VPS13C: variants seen among roughly 807,000 people sequenced by gnomAD.
The protein encoded by VPS13C is vacuolar protein sorting 13 homolog C.
VPS13C carries 358 observed loss-of-function variants against 456.8 expected under a neutral mutation model. The observed-to-expected ratio is 0.78, with a 90% CI of 0.72 to 0.86. VPS13C has a LOEUF of 0.86. Among genes scored for constraint, VPS13C ranks in the 40% least tolerant of loss-of-function variants. The probability of loss-of-function intolerance (pLI) is 0.00; values close to 1 mark genes in which losing one functional copy is unlikely to be tolerated. For synonymous variants in VPS13C, 1,578 were observed against 1,486.7 expected (o/e 1.06, Z -1.41); for missense variants, 4,818 against 4,385.4 (o/e 1.10, Z -2.79).
intron 65 of VPS13C, 117 bp downstream of exon 65, chr15:61,908,875 T>C: frequency 1.7e-6 from 2 of 1,200,598 alleles, no homozygotes; most frequent in South Asian, 3.2e-5. Flanking sequence ...ATAAATACCA[T>C]GTGTTCCATA....
intron 6 of VPS13C, among the ~76,000 whole-genome samples, chr15:62,026,258 T>C (rs2047633818): frequency 6.6e-6 from 1 of 151,756 alleles, no homozygotes; most frequent in Non-Finnish European, 1.5e-5. Context: ...AATCAATTAG[T>C]CCTTCTTGCA....
chr15:61,911,322 ACT>A (rs2043295386), intron 63 of VPS13C, among the ~76,000 whole-genome samples: 1 of 152,216 alleles, frequency 6.6e-6, no homozygotes, highest in African/African-American at 2.4e-5. Context: ...CATGATTTCA[ACT>A]ACCAATGACT....
chr15:61,991,785 T>C lies in VPS13C; in HGVS notation c.1371A>G (p.Gln457=). The change falls in exon 17 of 85, where the codon CAA becomes CAG. Residue 457 remains glutamine (Q), a synonymous_variant. Transcript: ENST00000644861. ...QAQVEVIRSG[Q]KLRKKSADTG... ...TGTCAGCAGACTTTTTCCTTAATTT[T>C]TGCCCAGACCGAATCACCTGAAAAA... 6.2e-7 allele frequency: 1 copy of C among 1,612,546 alleles called. No homozygotes were observed. Among genetic ancestry groups the C allele is most frequent in the Non-Finnish European group, 8.5e-7 (1 of 1,179,212 alleles).
intron 15 of VPS13C, among the ~76,000 whole-genome samples, chr15:62,001,420 T>C (rs1051080981): frequency 6.6e-6 from 1 of 152,236 alleles, no homozygotes; most frequent in Non-Finnish European, 1.5e-5. Flanking sequence ...TTGCTAGAAA[T>C]AGTTCTATAA....
At chr15:62,046,469 T>G (rs916328662) in intron 1 of VPS13C, among the ~76,000 whole-genome samples, 1 of 152,184 alleles carries the variant, frequency 6.6e-6, no homozygotes, top group African/African-American at 2.4e-5. Context: ...TTACACAAAA[T>G]TACAATTGGG....
chr15:61,857,233 T>C (rs1893966660), intron 82 of VPS13C, among the ~76,000 whole-genome samples: 1 of 152,040 alleles, frequency 6.6e-6, no homozygotes, highest in Non-Finnish European at 1.5e-5. Context: ...GAAACAAACA[T>C]GTAAATAAAC....
intron 70 of VPS13C, 44 bp from the exon 71 acceptor site, chr15:61,881,676 C>T (rs751663236): frequency 1.6e-5 from 26 of 1,599,882 alleles, no homozygotes; most frequent in Non-Finnish European, 2.2e-5. Context: ...ATGCTTTATA[C>T]TAGGTTAAAC....
chr15:61,860,953 C>CTTT (rs781045840), intron 82 of VPS13C, among the ~76,000 whole-genome samples: 21 of 89,694 alleles, frequency 2.3e-4, no homozygotes, highest in East Asian at 4.0e-4. Context: ...TATTTTCTTT[C>CTTT]TTTTTTTTTT....
chr15:61,889,406 A>G (rs1407173592), intron 67 of VPS13C, among the ~76,000 whole-genome samples: 1 of 152,100 alleles, frequency 6.6e-6, no homozygotes, highest in African/African-American at 2.4e-5. Context: ...TTCATTACAT[A>G]GACTATCTAT....
chr15:62,026,648 T>C (rs944409357), intron 6 of VPS13C, among the ~76,000 whole-genome samples: 2 of 152,048 alleles, frequency 1.3e-5, no homozygotes, highest in Non-Finnish European at 2.9e-5. Context: ...CTAGCTCAGC[T>C]CACAACTCAA....
rs2045616225 is a variant in VPS13C, at chr15:61,973,502, T to G, written c.2569A>C (p.Thr857Pro). 6.2e-7 allele frequency: 1 copy of G among 1,612,762 alleles called. No individual in the cohort carries two copies. Among genetic ancestry groups the G allele is most frequent in the Admixed American group, 1.7e-5 (1 of 60,000 alleles). The change falls in exon 26 of 85, where the codon ACA becomes CCA. Residue 857 changes from threonine to proline, a missense_variant. Transcript: ENST00000644861. ...AGTGAAGTACCAAGTAGACCTTTTG[T>G]ACCACCTGAAATAATAGGAATTGAG... ...VSSIPIISGGTKGLLGTSLLL... is the reference protein window; with the variant it reads ...VSSIPIISGGPKGLLGTSLLL...
At chr15:61,969,944 GT>G in intron 27 of VPS13C, among the ~76,000 whole-genome samples, 1 of 151,818 alleles carries the variant, frequency 6.6e-6, no homozygotes, top group East Asian at 1.9e-4. Flanking sequence ...ATCAAAAGGT[GT>G]AGATCTTTGT....
chr15:61,857,077 C>T (rs969496012), intron 82 of VPS13C, among the ~76,000 whole-genome samples: 16 of 152,074 alleles, frequency 1.1e-4, no homozygotes, highest in Admixed American at 9.2e-4. Flanking sequence ...ATTTTGATTA[C>T]TGATATAACT....
At position 61,920,134 on chromosome 15, in the gene VPS13C, T is replaced by TACCA. The variant is rs1190035746; in HGVS notation, c.7406_7409dup (p.Pro2471GlyfsTer45). ...TAGATAGGTTCCCTTGACTTGAAGG[T>TACCA]ACCATGCTGGCATACTCCAGTTCCA... On this transcript the variant is annotated frameshift_variant, in exon 57 of 85. Coordinates refer to ENST00000644861, the MANE Select transcript of VPS13C (RefSeq NM_020821.3). LOFTEE classifies it high-confidence loss of function. 6.2e-7 allele frequency: 1 copy of TACCA among 1,613,468 alleles called. No homozygotes were observed. Among genetic ancestry groups the TACCA allele is most frequent in the South Asian group, 1.1e-5 (1 of 91,026 alleles).
Position 62,060,436 on chromosome 15 carries a change from G to C in VPS13C, c.-62C>G. Reference sequence around the variant, plus strand: ...ACCGCCCGGCGCAGCTGAGGGCTGCGACCAGCGCTGCAAATGACAGCCCCT... The same window carrying C: ...ACCGCCCGGCGCAGCTGAGGGCTGCCACCAGCGCTGCAAATGACAGCCCCT... On this transcript the variant is annotated 5_prime_UTR_variant, in exon 1 of 85. Coordinates refer to ENST00000644861, the MANE Select transcript of VPS13C (RefSeq NM_020821.3). 1 of 845,384 alleles carries C rather than the reference G, an allele frequency of 1.2e-6. No homozygotes were observed. Among genetic ancestry groups the C allele is most frequent in the Non-Finnish European group, 1.9e-6 (1 of 538,760 alleles). The allele number at this position is 845,384 out of a possible 1,614,324, so 52.4% of individuals were successfully genotyped here. A position where few individuals can be genotyped will look rare whatever the true frequency, so the allele number is the denominator to read the frequency against.
Position 61,969,441 on chromosome 15 carries a change from T to G in VPS13C, c.2769A>C (p.Glu923Asp). ...CTTCTTCTTTCTGCTGTTTAGTAAA[T>G]TCCAAAATCACCTAAAAGAATTAGA... ...LKFEIKEVILEFTKQQKEEDT... is the reference protein window; with the variant it reads ...LKFEIKEVILDFTKQQKEEDT... Residue 923 changes from glutamate to aspartate, a missense_variant, in exon 28 of 85, where the codon GAA becomes GAC. Physicochemically the swap from Glu to Asp is conservative, Grantham distance 45. This residue lies in a region of VPS13C where 4,552 missense variants were observed against 4,130.6 expected (regional missense o/e 1.10). Transcript: ENST00000644861. 1 of 1,535,074 alleles carries G rather than the reference T, an allele frequency of 6.5e-7. No homozygotes were observed. The highest frequency in any genetic ancestry group is 8.8e-7 in the Non-Finnish European group (1 of 1,138,376).
intron 81 of VPS13C, chr15:61,865,441 A>G (rs1246201095): frequency 1.0e-6 from 1 of 984,646 alleles, no homozygotes; most frequent in African/African-American, 1.7e-5. Context: ...AACTAAAACT[A>G]AAAAGCAAGA....
chr15:61,945,903 G>C (rs770519180), intron 44 of VPS13C, 21 bp from the exon 45 acceptor site: 6 of 1,579,252 alleles, frequency 3.8e-6, no homozygotes, highest in Non-Finnish European at 5.1e-6. Context: ...TAGATTAACT[G>C]GTTATTATAT....
rs950751321 is a variant in VPS13C at position 61,864,419 on chromosome 15, C to T, written c.10864-891G>A. Reference sequence around the variant, plus strand: ...TTTTATAATGAATGCTAATGAAATACTATTACTGACATTATATATAATGCA... The same window carrying T: ...TTTTATAATGAATGCTAATGAAATATTATTACTGACATTATATATAATGCA... On this transcript the variant is annotated intron_variant, in intron 81 of 84. Coordinates refer to ENST00000644861, the MANE Select transcript of VPS13C (RefSeq NM_020821.3). The T allele has an allele frequency of 2.1e-5, 18 of 873,822 alleles. No homozygotes were observed. The African/African-American group carries it at 3.3e-4, about 16-fold the overall frequency. The allele number at this position is 873,822 out of a possible 1,614,324, so 54.1% of individuals were successfully genotyped here.
Sources: allele counts gnomAD v4.1 joint callset (sites outside exome capture counted in the v4.1 genomes callset), GRCh38; gene constraint gnomAD v4.1.1; regional missense constraint gnomAD v4.1.1; transcripts MANE v1.5; gene names NCBI Gene and HGNC (gene_info 2026-07-23, HGNC 2026-07-21).